The following SOX13 variants were observed in gnomAD, a reference collection of about 807,000 sequenced individuals.
SOX13 encodes SRY-box transcription factor 13.
Under a neutral mutation model 71.8 loss-of-function variants are expected in SOX13, and 28 were observed. The ratio of observed to expected loss-of-function variants is 0.39; its 90% confidence interval spans 0.29 to 0.53. The LOEUF is 0.53. Among genes scored for constraint, SOX13 ranks in the 20% least tolerant of loss-of-function variants. The pLI is 0.70. For missense variants in SOX13, 627 were observed against 810.3 expected, an observed-to-expected ratio of 0.77 and a Z score of 2.75; for synonymous variants, 309 against 317.8, an observed-to-expected ratio of 0.97 and a Z score of 0.29.
chr1:204,113,729 G>T (rs1364567545), intron 2 of SOX13, among the ~76,000 whole-genome samples: 4 of 152,150 alleles, frequency 2.6e-5, no homozygotes, highest in Admixed American at 2.6e-4. Flanking sequence ...GAGGTGGGGG[G>T]TGGGGGCACT....
chr1:204,081,465 A>G lies in SOX13; in HGVS notation c.-2+7754A>G, dbSNP rs1298884518. On this transcript the variant is annotated intron_variant, in intron 1 of 13. Transcript: ENST00000367204. The surrounding 1 kb of genome is among the most constrained non-coding windows in gnomAD (Gnocchi z 4.3). ...AAGAGTGGTTGTGCAAATGTGTCAGACTGGGCTGATGCCCTTTCACGATGA... is the reference window on the plus strand; with the variant it reads ...AAGAGTGGTTGTGCAAATGTGTCAGGCTGGGCTGATGCCCTTTCACGATGA... Among the ~76,000 whole-genome samples the G allele has an allele frequency of 6.6e-6, 1 of 152,234 alleles. No homozygotes were observed. The highest frequency in any genetic ancestry group is 1.5e-5 in the Non-Finnish European group (1 of 68,044).
chr1:204,096,563 C>T (rs1240450050), intron 1 of SOX13, among the ~76,000 whole-genome samples: 1 of 151,818 alleles, frequency 6.6e-6, no homozygotes, highest in Non-Finnish European at 1.5e-5. Context: ...TTTACAGGCA[C>T]CCGCCACCAC....
chr1:204,073,628 T>G lies in SOX13; in HGVS notation c.-85T>G, dbSNP rs1655717836. On this transcript the variant is annotated 5_prime_UTR_variant, in exon 1 of 14. Transcript: ENST00000367204. The surrounding 1 kb of genome is among the most constrained non-coding windows in gnomAD (Gnocchi z 6.8). Reference sequence around the variant, plus strand: ...GGGCATGTGAGCGGGAAGCCTAGGCTGCCAGCCGCGAGGACCGCACGGAGG... The same window carrying G: ...GGGCATGTGAGCGGGAAGCCTAGGCGGCCAGCCGCGAGGACCGCACGGAGG... The G allele has an allele frequency of 6.6e-6, 1 of 151,344 alleles. No homozygotes were observed. The highest frequency in any genetic ancestry group is 1.5e-5 in the Non-Finnish European group (1 of 67,810). 9.4% of individuals were successfully genotyped at this position (151,344 alleles called of 1,614,324 possible).
intron 1 of SOX13, among the ~76,000 whole-genome samples, chr1:204,109,144 TCTC>T (rs1377753008): frequency 6.6e-6 from 1 of 152,116 alleles, no homozygotes; most frequent in African/African-American, 2.4e-5. Context: ...TGGGGTCTCT[TCTC>T]TTCTCTGCAT....
intron 1 of SOX13, among the ~76,000 whole-genome samples, chr1:204,079,538 G>T (rs1655856840): frequency 6.9e-6 from 1 of 145,536 alleles, no homozygotes; most frequent in Non-Finnish European, 1.5e-5. Context: ...GAGAGTTGGG[G>T]TTTCACCATG....
At chr1:204,088,625 A>T (rs917495124) in intron 1 of SOX13, among the ~76,000 whole-genome samples, 7 of 152,170 alleles carry the variant, frequency 4.6e-5, no homozygotes, top group Non-Finnish European at 1.0e-4. Flanking sequence ...GACTGGGGGT[A>T]GGTGACTGGG....
At position 204,123,136 on chromosome 1, in the gene SOX13, C is replaced by T; in HGVS notation, c.1159C>T (p.Pro387Ser). Residue 387 changes from proline (P) to serine (S), a missense_variant, in exon 11 of 14, where the codon CCA becomes TCA. Pro to Ser is a moderately conservative substitution (Grantham distance 74). This residue lies in a region of SOX13 where 447 missense variants were observed against 532.2 expected (regional missense o/e 0.84). Transcript: ENST00000367204. The surrounding 1 kb of genome is among the most constrained non-coding windows in gnomAD (Gnocchi z 5.0). ...GGACCTCATCAGCCTGGACTCATCC[C>T]CAGCCAAGGAGCGGCTGGAGGACGG... The part of the protein sequence containing the change: ...RKDLISLDSS[P>S]AKERLEDGCV... The T allele has an allele frequency of 6.2e-7, 1 of 1,613,772 alleles. No homozygotes were observed. The highest frequency in any genetic ancestry group is 8.5e-7 in the Non-Finnish European group (1 of 1,179,786).
chr1:204,101,372 A>G (rs945624903), intron 1 of SOX13, among the ~76,000 whole-genome samples: 25 of 152,152 alleles, frequency 1.6e-4, no homozygotes, highest in African/African-American at 5.8e-4. Flanking sequence ...TGCATTTAAG[A>G]AGGGCCTTAG....
At chr1:204,095,145 G>A (rs948994922) in intron 1 of SOX13, among the ~76,000 whole-genome samples, 2 of 152,170 alleles carry the variant, frequency 1.3e-5, no homozygotes, top group East Asian at 1.9e-4. Context: ...AGGGTTGTAC[G>A]GCAAGGCAGG....
chr1:204,109,613 C>T (rs1656537140), intron 1 of SOX13, among the ~76,000 whole-genome samples: 2 of 152,028 alleles, frequency 1.3e-5, no homozygotes, highest in African/African-American at 4.8e-5. Flanking sequence ...AAGAAATTGC[C>T]TGGTGATGCA....
chr1:204,085,233 T>C (rs903042711), intron 1 of SOX13, among the ~76,000 whole-genome samples: 2 of 152,208 alleles, frequency 1.3e-5, no homozygotes, highest in Admixed American at 6.5e-5. Context: ...AGGCAGCTTC[T>C]GGAGCCAGAC....
Position 204,117,146 on chromosome 1 carries a change from A to ATTCAGCAGCAGCATAAGATCAACCTCC in SOX13, c.628_654dup (p.His210_Gln218dup). On this transcript the variant is annotated inframe_insertion, in exon 6 of 14. Coordinates refer to ENST00000367204, the MANE Select transcript of SOX13 (RefSeq NM_005686.3). ...GATTGCAAAGCAGCAGCAGCAGCTG[A>ATTCAGCAGCAGCATAAGATCAACCTCC]TTCAGCAGCAGCATAAGATCAACCT... 1 of 1,613,968 alleles carries ATTCAGCAGCAGCATAAGATCAACCTCC rather than the reference A, an allele frequency of 6.2e-7. No individual in the cohort carries two copies. Among genetic ancestry groups the ATTCAGCAGCAGCATAAGATCAACCTCC allele is most frequent in the Non-Finnish European group, 8.5e-7 (1 of 1,179,866 alleles).
At chr1:204,087,555 C>T (rs75727775) in intron 1 of SOX13, among the ~76,000 whole-genome samples, 2,058 of 152,354 alleles carry the variant, frequency 0.014, 52 homozygotes, top group African/African-American at 0.047. Flanking sequence ...TGCTAAGGCC[C>T]TGGTCTAGCT....
At chr1:204,087,555 C>A (rs75727775) in intron 1 of SOX13, among the ~76,000 whole-genome samples, 2 of 152,240 alleles carry the variant, frequency 1.3e-5, no homozygotes, top group African/African-American at 4.8e-5. Context: ...TGCTAAGGCC[C>A]TGGTCTAGCT....
intron 1 of SOX13, among the ~76,000 whole-genome samples, chr1:204,105,413 C>CTTTTTTTTTTTTTTTTTTTTT (rs35841451): frequency 7.2e-6 from 1 of 137,964 alleles, no homozygotes; most frequent in African/African-American, 3.1e-5. Flanking sequence ...TGTATAATCT[C>CTTTTTTTTTTTTTTTTTTTTT]TTTTTTTTTT....
In SOX13 at chr1:204,122,369, C is replaced by A; in HGVS notation, c.994C>A (p.Leu332Met). Residue 332 changes from leucine to methionine, a missense_variant, in exon 9 of 14, where the codon CTG (leucine) becomes ATG (methionine). Around this residue, in one of 3 missense-constraint regions of SOX13, gnomAD observed 447 missense variants for 532.2 expected, o/e 0.84. Transcript: ENST00000367204. Reference sequence around the variant, plus strand: ...CAGCCATGGAGGCCCCACGCGGGACCTGCAGTCCAGCCCCCCGAGCCTGCC... The same window carrying A: ...CAGCCATGGAGGCCCCACGCGGGACATGCAGTCCAGCCCCCCGAGCCTGCC... Reference protein sequence around the residue: ...PPSHGGPTRDLQSSPPSLPLG... With the variant: ...PPSHGGPTRDMQSSPPSLPLG... 6.4e-7 allele frequency: 1 copy of A among 1,563,666 alleles called. No individual in the cohort carries two copies. Among genetic ancestry groups the A allele is most frequent in the East Asian group, 2.4e-5 (1 of 41,772 alleles).
chr1:204,091,950 ATTCT>A (rs1656154255), intron 1 of SOX13, among the ~76,000 whole-genome samples: 2 of 151,476 alleles, frequency 1.3e-5, no homozygotes, highest in South Asian at 2.1e-4. Flanking sequence ...TCTTTTGTTC[ATTCT>A]TTCTTTCGTT....
chr1:204,092,325 CTT>C (rs928447366), intron 1 of SOX13, among the ~76,000 whole-genome samples: 56 of 149,118 alleles, frequency 3.8e-4, no homozygotes, highest in African/African-American at 1.2e-3. Flanking sequence ...ACTTTTTTTT[CTT>C]TTTTTTTGAG....
At chr1:204,074,573 C>A (rs1655746284) in intron 1 of SOX13, among the ~76,000 whole-genome samples, 1 of 152,198 alleles carries the variant, frequency 6.6e-6, no homozygotes, top group Non-Finnish European at 1.5e-5. Context: ...TGCTTCCCGT[C>A]CCCAGGCGCG....
Sources: allele counts gnomAD v4.1 joint callset (sites outside exome capture counted in the v4.1 genomes callset), GRCh38; gene constraint gnomAD v4.1.1; regional missense constraint gnomAD v4.1.1; non-coding constraint Gnocchi (gnomAD v3.1); transcripts MANE v1.5; gene names NCBI Gene and HGNC (gene_info 2026-07-23, HGNC 2026-07-21).